Variants in SEC61A1 observed in about 807,000 individuals in gnomAD.
SEC61A1 encodes protein transport protein Sec61 subunit alpha isoform 1.
In SEC61A1, 15 loss-of-function variants were observed where a neutral mutation model predicts 55.2. The ratio of observed to expected loss-of-function variants is 0.27; its 90% CI spans 0.18 to 0.42. The LOEUF (loss-of-function observed/expected upper bound fraction) is 0.42. SEC61A1 is among the 10% of genes least tolerant of loss of function. The pLI is 1.00. For missense variants in SEC61A1, 284 were observed against 602.6 expected (o/e 0.47, Z 5.53); for synonymous variants, 247 against 234.0 (o/e 1.06, Z -0.51).
rs1324679463 is a variant in SEC61A1 at position 128,070,199 on chromosome 3, C to T, written c.*537C>T. ...TTCTCTCTAAGACACCATTGTTTTC[C>T]CTTATTTTAAAAGTGATTTTTTTAA... On this transcript the variant is annotated 3_prime_UTR_variant, in exon 12 of 12. Transcript: ENST00000243253. 1 of 152,422 alleles carries T rather than the reference C, an allele frequency of 6.6e-6. No individual in the cohort carries two copies. The highest frequency in any genetic ancestry group is 1.9e-4 in the East Asian group (1 of 5,200). 9.4% of individuals were successfully genotyped at this position (152,422 alleles called of 1,614,324 possible). A position where few individuals can be genotyped will look rare whatever the true frequency, so the allele number is the denominator to read the frequency against.
rs1490028159 is a variant in SEC61A1 at position 128,060,500 on chromosome 3, T to A, written c.463-8T>A. ...AACACATAGTCTTGTATTTTTGAAT[T>A]TTTACAGCTCTTTGTTGCTGGCTTA... On this transcript the variant is annotated splice_polypyrimidine_tract_variant and splice_region_variant and intron_variant, in intron 6 of 11. Coordinates refer to ENST00000243253, the MANE Select transcript of SEC61A1 (RefSeq NM_013336.4). 1 of 1,613,846 alleles carries A rather than the reference T, an allele frequency of 6.2e-7. No individual in the cohort carries two copies. The highest frequency in any genetic ancestry group is 8.5e-7 in the Non-Finnish European group (1 of 1,179,938).
At chr3:128,054,629 T>A (rs528353681) in intron 2 of SEC61A1, among the ~76,000 whole-genome samples, 1 of 151,698 alleles carries the variant, frequency 6.6e-6, no homozygotes, top group East Asian at 1.9e-4. Context: ...GAAGTGTTTT[T>A]AAAGAACACA....
intron 8 of SEC61A1, among the ~76,000 whole-genome samples, chr3:128,066,007 G>C (rs989951164): frequency 2.0e-5 from 3 of 152,112 alleles, no homozygotes; most frequent in South Asian, 4.1e-4. Context: ...ATTACAAAGC[G>C]CTGGGATTAC....
At chr3:128,063,013 GT>G (rs774958290) in intron 7 of SEC61A1, among the ~76,000 whole-genome samples, 2 of 152,184 alleles carry the variant, frequency 1.3e-5, no homozygotes, top group Non-Finnish European at 2.9e-5. Flanking sequence ...TTACCTTTGG[GT>G]TAAAGTGATC....
chr3:128,052,979 A>G, intron 2 of SEC61A1, 77 bp downstream of exon 2: 3 of 1,161,610 alleles, frequency 2.6e-6, no homozygotes, highest in Non-Finnish European at 3.8e-6. Flanking sequence ...ATGATTAAAA[A>G]TGGCTTCAGC....
chr3:128,069,436 T>TGTGTCCAGGTGAGC, intron 11 of SEC61A1, 40 bp from the exon 12 acceptor site: 2 of 1,591,280 alleles, frequency 1.3e-6, no homozygotes, highest in South Asian at 2.2e-5. Flanking sequence ...CACGGGGAGC[T>TGTGTCCAGGTGAGC]CTGTGGGTGT....
chr3:128,055,791 C>T lies in SEC61A1; in HGVS notation c.220+40C>T, dbSNP rs962249367. 3 of 1,478,022 alleles carry T rather than the reference C, an allele frequency of 2.0e-6. No individual in the cohort carries two copies. In the Middle Eastern group the frequency reaches 5.2e-4, roughly 255 times the overall value. The allele number at this position is 1,478,022 out of a possible 1,614,324, so 91.6% of individuals were successfully genotyped here. A position where few individuals can be genotyped will look rare whatever the true frequency, so the allele number is the denominator to read the frequency against. ...CTGTCTTTTCTCTGTAGAGTGTAGG[C>T]TTACCTAGCTTCACTTAGTTAAATT... On this transcript the variant is annotated intron_variant, in intron 4 of 11. Coordinates refer to ENST00000243253, the MANE Select transcript of SEC61A1 (RefSeq NM_013336.4).
intron 5 of SEC61A1, among the ~76,000 whole-genome samples, chr3:128,057,476 A>G (rs1941788831): frequency 6.6e-6 from 1 of 152,230 alleles, no homozygotes; most frequent in South Asian, 2.1e-4. Flanking sequence ...AAAGGAAGTA[A>G]TGGCTACTTC....
intron 6 of SEC61A1, 120 bp from the exon 7 acceptor site, chr3:128,060,388 G>C: frequency 8.3e-7 from 1 of 1,198,046 alleles, no homozygotes; most frequent in Non-Finnish European, 1.2e-6. Flanking sequence ...GCTCTCTGGG[G>C]CTGAGGATGT....
At chr3:128,051,732 A>G, upstream of SEC61A1, 1 of 1,476,672 alleles carries the variant, frequency 6.8e-7, no homozygotes, top group East Asian at 2.5e-5. Context: ...GCACAAAGGT[A>G]CTCTCCCAGG....
intron 2 of SEC61A1, among the ~76,000 whole-genome samples, chr3:128,054,297 AG>A (rs1353720472): frequency 6.6e-6 from 1 of 152,202 alleles, no homozygotes; most frequent in Non-Finnish European, 1.5e-5. Context: ...CTTGGTGATT[AG>A]AAAGGGAGTT....
rs1942098643 is a variant in SEC61A1, at chr3:128,069,715, G to A, written c.*53G>A. ...CTGCTCCAGAAGCGCCTCGGAAGGG[G>A]AGCTCTCATCATGGCGCGTGCTGCT... is the stretch of plus-strand genomic sequence containing the variant. On this transcript the variant is annotated 3_prime_UTR_variant, in exon 12 of 12. Coordinates refer to ENST00000243253, the MANE Select transcript of SEC61A1 (RefSeq NM_013336.4). The A allele has an allele frequency of 1.3e-6, 2 of 1,529,440 alleles. No individual in the cohort carries two copies. Among genetic ancestry groups the A allele is most frequent in the Non-Finnish European group, 9.0e-7 (1 of 1,108,406 alleles). 94.7% of individuals were successfully genotyped at this position (1,529,440 alleles called of 1,614,324 possible). A position where few individuals can be genotyped will look rare whatever the true frequency, so the allele number is the denominator to read the frequency against.
intron 7 of SEC61A1, 35 bp from the exon 8 acceptor site, chr3:128,064,842 C>A: frequency 6.5e-7 from 1 of 1,535,888 alleles, no homozygotes; most frequent in Non-Finnish European, 8.8e-7. Context: ...GTTGCCTGTT[C>A]GTTCCTTCAT....
chr3:128,060,839 T>C (rs963041303), intron 7 of SEC61A1, among the ~76,000 whole-genome samples, 178 bp downstream of exon 7: 1 of 152,244 alleles, frequency 6.6e-6, no homozygotes, highest in Non-Finnish European at 1.5e-5. Flanking sequence ...CTTGTAATTA[T>C]GATGATACCT....
rs1942144186 is a variant in SEC61A1, at chr3:128,070,846, G to A, written c.*1184G>A. ...GACAGGTGGCCTAGGTCCTGGAGAT[G>A]AGCACCCTCTCTCTGGCCTTTAGGG... On this transcript the variant is annotated 3_prime_UTR_variant, in exon 12 of 12. Transcript: ENST00000243253. 6.6e-6 allele frequency: 1 copy of A among 152,386 alleles called. No individual in the cohort carries two copies. The highest frequency in any genetic ancestry group is 1.5e-5 in the Non-Finnish European group (1 of 68,150). 9.4% of individuals were successfully genotyped at this position (152,386 alleles called of 1,614,324 possible).
chr3:128,052,123 C>A (rs1395994800), upstream of SEC61A1, among the ~76,000 whole-genome samples: 1 of 152,204 alleles, frequency 6.6e-6, no homozygotes, highest in Non-Finnish European at 1.5e-5. Context: ...ACGCTTCGCG[C>A]CTGCCTCAGT....
upstream of SEC61A1, chr3:128,052,400 C>G (rs1006687049): frequency 2.5e-5 from 30 of 1,211,708 alleles, no homozygotes; most frequent in Non-Finnish European, 2.9e-5. Context: ...GGCCCCGCCC[C>G]GCGCCGCGCC....
At position 128,067,929 on chromosome 3, in the gene SEC61A1, C is replaced by A; in HGVS notation, c.1168-54C>A. 1 of 1,392,590 alleles carries A rather than the reference C, an allele frequency of 7.2e-7. No homozygotes were observed. The highest frequency in any genetic ancestry group is 1.2e-5 in the South Asian group (1 of 86,576). 86.3% of individuals were successfully genotyped at this position (1,392,590 alleles called of 1,614,324 possible). A position where few individuals can be genotyped will look rare whatever the true frequency, so the allele number is the denominator to read the frequency against. Reference sequence around the variant, plus strand: ...TAACTGTTCAGTACCACTTGGAATGCCTATTTCCCCTTCAGCCTCCAATTC... The same window carrying A: ...TAACTGTTCAGTACCACTTGGAATGACTATTTCCCCTTCAGCCTCCAATTC... On this transcript the variant is annotated intron_variant, in intron 10 of 11. Transcript: ENST00000243253. This position sits in a 1 kb window ranked among gnomAD's most constrained non-coding sequence, Gnocchi z 4.1.
chr3:128,054,205 A>G (rs757738517), intron 2 of SEC61A1, among the ~76,000 whole-genome samples: 14 of 152,212 alleles, frequency 9.2e-5, no homozygotes, highest in Admixed American at 7.9e-4. Context: ...TTTAGGGGCT[A>G]CTAAGAAGCA....
Sources: gnomAD v4.1 joint callset for allele counts (sites outside exome capture counted in the v4.1 genomes callset) on GRCh38, gnomAD v4.1.1 for gene constraint, Gnocchi (gnomAD v3.1) non-coding constraint, MANE v1.5 for transcripts, NCBI Gene and HGNC (gene_info 2026-07-23, HGNC 2026-07-21) for gene names.